NCK2: variants seen among roughly 807,000 people sequenced by gnomAD.
NCK2 encodes the protein cytoplasmic protein NCK2.
In NCK2, 16 loss-of-function variants were observed where a neutral mutation model predicts 33.9. The observed-to-expected ratio is 0.47, with a 90% CI of 0.32 to 0.72. The LOEUF (loss-of-function observed/expected upper bound fraction) is 0.72, where lower values mean the gene tolerates loss of function less well. NCK2 is among the 30% of genes least tolerant of loss of function. The pLI, the probability that NCK2 is intolerant of heterozygous loss-of-function variation, is 0.03. For missense variants in NCK2, 418 were observed against 537.3 expected, an observed-to-expected ratio of 0.78 and a Z score of 2.19; for synonymous variants, 273 against 239.9, an observed-to-expected ratio of 1.14 and a Z score of -1.27.
intron 1 of NCK2, among the ~76,000 whole-genome samples, chr2:105,813,139 G>T (rs1675352588): frequency 6.6e-6 from 1 of 152,180 alleles, no homozygotes; most frequent in Non-Finnish European, 1.5e-5. Context: ...TGGTTCCTGG[G>T]CTGAATGATA....
chr2:105,857,240 C>G (rs528313099), intron 3 of NCK2: 4 of 152,264 alleles, frequency 2.6e-5, no homozygotes, highest in Admixed American at 2.6e-4. Flanking sequence ...GCCCAGCATG[C>G]TTAGTTTTTT....
At chr2:105,768,866 G>C (rs1197418108) in intron 1 of NCK2, among the ~76,000 whole-genome samples, 1 of 152,118 alleles carries the variant, frequency 6.6e-6, no homozygotes, top group East Asian at 1.9e-4. Flanking sequence ...ATGCCCCCTG[G>C]GGGAGACACC....
chr2:105,755,539 A>T (rs1477297358), intron 1 of NCK2, among the ~76,000 whole-genome samples: 2 of 152,218 alleles, frequency 1.3e-5, no homozygotes, highest in Non-Finnish European at 2.9e-5. Flanking sequence ...TAAGGAAGAA[A>T]ATATGTTTTC....
At chr2:105,802,599 G>A (rs973005752) in intron 1 of NCK2, among the ~76,000 whole-genome samples, 2 of 152,180 alleles carry the variant, frequency 1.3e-5, no homozygotes, top group Non-Finnish European at 2.9e-5. Context: ...GGATGTGCCA[G>A]GCTCTTTTTA....
intron 3 of NCK2, among the ~76,000 whole-genome samples, chr2:105,876,482 C>T (rs945575641): frequency 7.9e-5 from 12 of 152,158 alleles, no homozygotes; most frequent in Non-Finnish European, 5.9e-5. Context: ...CGAATGTGCT[C>T]TTCCAAAATG....
At chr2:105,804,278 G>A (rs111982296) in intron 1 of NCK2, among the ~76,000 whole-genome samples, 1 of 152,220 alleles carries the variant, frequency 6.6e-6, no homozygotes, top group Non-Finnish European at 1.5e-5. Context: ...ACGGACCAGC[G>A]CTTTTCTTTG....
chr2:105,772,826 A>G (rs1182457856), intron 1 of NCK2, among the ~76,000 whole-genome samples: 2 of 151,458 alleles, frequency 1.3e-5, no homozygotes, highest in East Asian at 1.9e-4. Flanking sequence ...CTTGCCCTGC[A>G]TCTAGGTCTC....
chr2:105,796,818 A>G (rs1691096703), intron 1 of NCK2, among the ~76,000 whole-genome samples: 2 of 152,328 alleles, frequency 1.3e-5, no homozygotes, highest in East Asian at 3.9e-4. Flanking sequence ...ATTCCATGGA[A>G]AGGAAATATA....
Position 105,893,352 on chromosome 2 carries a change from A to G in NCK2, c.*176A>G. 2 of 583,788 alleles carry G rather than the reference A, an allele frequency of 3.4e-6. No homozygotes were observed. Among genetic ancestry groups the G allele is most frequent in the South Asian group, 5.0e-5 (2 of 40,306 alleles). The allele number at this position is 583,788 out of a possible 1,614,324, so 36.2% of individuals were successfully genotyped here. On this transcript the variant is annotated 3_prime_UTR_variant, in exon 5 of 5. Transcript: ENST00000233154. ...TTTGCCATCCAGGCCTCACACCCACACTCGAGCCCACCCGGCCGGCCAGCT... is the reference window on the plus strand; with the variant it reads ...TTTGCCATCCAGGCCTCACACCCACGCTCGAGCCCACCCGGCCGGCCAGCT...
At chr2:105,823,131 G>GCT (rs1264947963) in intron 2 of NCK2, among the ~76,000 whole-genome samples, 31 of 95,326 alleles carry the variant, frequency 3.3e-4, no homozygotes, top group Admixed American at 3.0e-3. Context: ...GTCCTCTCAT[G>GCT]CTGTGTGTGT....
intron 2 of NCK2, among the ~76,000 whole-genome samples, chr2:105,818,578 A>C (rs1675600286): frequency 6.6e-6 from 1 of 152,202 alleles, no homozygotes; most frequent in Non-Finnish European, 1.5e-5. Context: ...GTATGAAAGC[A>C]AACCAAATTT....
At chr2:105,770,229 A>G (rs1690089102) in intron 1 of NCK2, among the ~76,000 whole-genome samples, 1 of 152,170 alleles carries the variant, frequency 6.6e-6, no homozygotes, top group Non-Finnish European at 1.5e-5. Context: ...TCAGACTTCA[A>G]AAAAATGTTA....
chr2:105,877,696 C>T (rs1558882863), intron 3 of NCK2, among the ~76,000 whole-genome samples: 1 of 152,168 alleles, frequency 6.6e-6, no homozygotes, highest in Non-Finnish European at 1.5e-5. Flanking sequence ...GTTTCATTTC[C>T]TATAGAAATC....
In NCK2 at chr2:105,813,617, G is replaced by C. The variant is rs532116290; in HGVS notation, c.-200-2813G>C. Among the ~76,000 whole-genome samples the C allele has an allele frequency of 1.9e-3, 283 of 152,348 alleles. 2 individuals are homozygous for C. Among genetic ancestry groups the C allele is most frequent in the African/African-American group, 6.3e-3 (261 of 41,580 alleles). ...GATGCAGAATCGGCCACGACTGCTT[G>C]CAGGGGGGCATCTCACTGCCTGGCC... On this transcript the variant is annotated intron_variant, in intron 1 of 4. Transcript: ENST00000233154.
rs185039399 is a variant in NCK2 at position 105,789,746 on chromosome 2, C to T, written c.-200-26684C>T. Among the ~76,000 whole-genome samples, 108 of 152,344 alleles carry T rather than the reference C, an allele frequency of 7.1e-4. 1 individual carries two copies. The South Asian group carries it at 9.1e-3, about 13-fold the overall frequency. ...CCAACTTAGGCTTGCTCCCGGTTAA[C>T]GGGAGGGCTTTTTCTGACACAGACT... On this transcript the variant is annotated intron_variant, in intron 1 of 4. Transcript: ENST00000233154.
intron 4 of NCK2, among the ~76,000 whole-genome samples, chr2:105,888,334 G>T (rs987670106): frequency 1.3e-5 from 2 of 152,202 alleles, no homozygotes; most frequent in African/African-American, 4.8e-5. Context: ...TCTGATGTTT[G>T]AAAATTTGAA....
chr2:105,817,609 G>A (rs1675543404), intron 2 of NCK2, among the ~76,000 whole-genome samples: 1 of 152,086 alleles, frequency 6.6e-6, no homozygotes, highest in Non-Finnish European at 1.5e-5. Context: ...CCATCAACAA[G>A]TGGGCAAAGG....
chr2:105,834,793 C>T (rs991364131), intron 2 of NCK2, among the ~76,000 whole-genome samples: 3 of 152,072 alleles, frequency 2.0e-5, no homozygotes, highest in African/African-American at 7.2e-5. Context: ...GCTTCAGCCT[C>T]CCGGGTAGCT....
At chr2:105,771,507 G>C (rs1020882651) in intron 1 of NCK2, among the ~76,000 whole-genome samples, 2 of 152,120 alleles carry the variant, frequency 1.3e-5, no homozygotes, top group African/African-American at 4.8e-5. Context: ...GAATGTTGCA[G>C]TAAGCCGAGA....
Sources: gnomAD v4.1 joint callset for allele counts (sites outside exome capture counted in the v4.1 genomes callset) on GRCh38, gnomAD v4.1.1 for gene constraint, MANE v1.5 for transcripts, NCBI Gene and HGNC (gene_info 2026-07-23, HGNC 2026-07-21) for gene names.